Variants in CAST observed in about 807,000 individuals in gnomAD.
CAST encodes the protein calpastatin.
CAST carries 76 observed loss-of-function variants against 119.6 expected under a neutral mutation model. The observed-to-expected ratio is 0.64, with a 90% CI of 0.53 to 0.77. The LOEUF (loss-of-function observed/expected upper bound fraction) is 0.77. Ranked by LOEUF, CAST falls within the 30% of genes least tolerant of loss-of-function variation. The pLI, the probability that CAST is intolerant of heterozygous loss-of-function variation, is 0.00. For synonymous variants in CAST, 319 were observed against 331.6 expected, an observed-to-expected ratio of 0.96 and a Z score of 0.41; for missense variants, 953 against 946.5, an observed-to-expected ratio of 1.01 and a Z score of -0.09.
At chr5:96,687,662 AT>A (rs747705235) in intron 2 of CAST, among the ~76,000 whole-genome samples, 52 of 152,186 alleles carry the variant, frequency 3.4e-4, no homozygotes, top group Admixed American at 1.6e-3. Flanking sequence ...AAGGACCAGA[AT>A]TTTTGGACTT....
rs184474989 is a variant in CAST, at chr5:96,675,418, C to T, written c.76-121C>T. The T allele has an allele frequency of 1.5e-5, 10 of 666,538 alleles. No homozygotes were observed. In the East Asian group the frequency reaches 1.6e-4, roughly 11 times the overall value. 41.3% of individuals were successfully genotyped at this position (666,538 alleles called of 1,614,324 possible). ...TGTTGGTGTGAATTACCAGCATTCTCAGGAGGAAGATTAAAGTGGTCGTTT... is the reference window on the plus strand; with the variant it reads ...TGTTGGTGTGAATTACCAGCATTCTTAGGAGGAAGATTAAAGTGGTCGTTT... On this transcript the variant is annotated intron_variant, in intron 1 of 31. Transcript: ENST00000675179.
the CAST span, among the ~76,000 whole-genome samples, chr5:96,466,372 A>C: frequency 3.0e-4 from 45 of 152,246 alleles, no homozygotes; most frequent in African/African-American, 9.9e-4. Flanking sequence ...AAGTACAATA[A>C]GATTTTGAAA....
the CAST span, among the ~76,000 whole-genome samples, chr5:96,117,362 A>G: frequency 2.6e-5 from 4 of 152,182 alleles, no homozygotes; most frequent in Non-Finnish European, 5.9e-5. Flanking sequence ...GTGATGTACC[A>G]CATAGCTCAT....
the CAST span, among the ~76,000 whole-genome samples, chr5:96,489,989 G>T: frequency 2.6e-5 from 4 of 152,236 alleles, no homozygotes; most frequent in Non-Finnish European, 4.4e-5. Flanking sequence ...GGATAATGCA[G>T]CTGTAGACTG....
chr5:96,580,211 A>G (rs1201061014), intron 1 of CAST, among the ~76,000 whole-genome samples: 1 of 152,154 alleles, frequency 6.6e-6, no homozygotes, highest in African/African-American at 2.4e-5. Context: ...TAAAAATTTT[A>G]TATTAATTTC....
At chr5:96,208,101 TA>T in the CAST span, among the ~76,000 whole-genome samples, 1 of 151,818 alleles carries the variant, frequency 6.6e-6, no homozygotes, top group Admixed American at 6.6e-5. Context: ...TTTGTGTGCA[TA>T]CATGTGTTCA....
At chr5:95,966,304 T>C in the CAST span, among the ~76,000 whole-genome samples, 128 of 152,292 alleles carry the variant, frequency 8.4e-4, no homozygotes, top group African/African-American at 2.8e-3. Context: ...ACCATGTCCA[T>C]ATGATTTTCT....
Position 96,757,655 on chromosome 5 carries a change from G to GT in CAST, c.1833+2dup, listed in dbSNP as rs1561594337. On this transcript the variant is annotated splice_donor_variant, in intron 24 of 31. Transcript: ENST00000675179. LOFTEE classifies it high-confidence loss of function. ...TGGTCCACAAAATGCTTCATCTCTT[G>GT]TAAGTCCAAAACTCTTGGTTTTATT... The GT allele has an allele frequency of 6.4e-7, 1 of 1,567,632 alleles. No homozygotes were observed.
chr5:96,566,164 A>C (rs985407633), intron 1 of CAST, among the ~76,000 whole-genome samples: 2 of 152,196 alleles, frequency 1.3e-5, no homozygotes, highest in African/African-American at 4.8e-5. Flanking sequence ...CAGAGAGAAA[A>C]GGTTCTGACC....
At chr5:96,382,981 T>C in the CAST span, among the ~76,000 whole-genome samples, 4 of 152,196 alleles carry the variant, frequency 2.6e-5, no homozygotes, top group Admixed American at 6.5e-5. Flanking sequence ...TAAGTACTCA[T>C]TGATGTTCAC....
At chr5:96,628,255 A>G (rs892664834) in intron 1 of CAST, among the ~76,000 whole-genome samples, 3 of 152,238 alleles carry the variant, frequency 2.0e-5, no homozygotes, top group Non-Finnish European at 2.9e-5. Context: ...TAACTTTAGC[A>G]GGTCAGACAC....
At chr5:96,035,623 G>T in the CAST span, among the ~76,000 whole-genome samples, 1 of 151,816 alleles carries the variant, frequency 6.6e-6, no homozygotes, top group African/African-American at 2.4e-5. Flanking sequence ...AGTGGAATGG[G>T]GGGAATTGGG....
chr5:96,704,056 A>G (rs1158827212), intron 3 of CAST, among the ~76,000 whole-genome samples: 1 of 152,176 alleles, frequency 6.6e-6, no homozygotes, highest in Non-Finnish European at 1.5e-5. Flanking sequence ...ATCTTGCTGA[A>G]CAAGGAAAGG....
intron 2 of CAST, among the ~76,000 whole-genome samples, chr5:96,691,271 T>C (rs187889551): frequency 1.4e-3 from 210 of 152,322 alleles, no homozygotes; most frequent in African/African-American, 4.7e-3. Flanking sequence ...AGATTTCTTA[T>C]TATATCACAA....
At chr5:96,441,311 T>C in the CAST span, among the ~76,000 whole-genome samples, 7 of 152,184 alleles carry the variant, frequency 4.6e-5, no homozygotes, top group East Asian at 5.8e-4. Context: ...ACTCACTAAT[T>C]TTTAGTGTGT....
chr5:95,971,349 A>G, the CAST span, among the ~76,000 whole-genome samples: 4 of 152,232 alleles, frequency 2.6e-5, no homozygotes, highest in African/African-American at 9.6e-5. Flanking sequence ...AAACAGAAGC[A>G]TGGCATTGGA....
At chr5:96,625,435 G>A (rs1035704295) in intron 1 of CAST, among the ~76,000 whole-genome samples, 9 of 152,268 alleles carry the variant, frequency 5.9e-5, no homozygotes, top group Middle Eastern at 6.8e-3. Context: ...AACTAGCAGC[G>A]AAATTGTATA....
intron 1 of CAST, among the ~76,000 whole-genome samples, chr5:96,592,507 T>C (rs1746980301): frequency 6.6e-6 from 1 of 152,214 alleles, no homozygotes; most frequent in Admixed American, 6.5e-5. Flanking sequence ...TATGGTTCTT[T>C]CTCACTTTTT....
At chr5:95,969,243 T>C in the CAST span, among the ~76,000 whole-genome samples, 2 of 152,118 alleles carry the variant, frequency 1.3e-5, no homozygotes, top group African/African-American at 4.8e-5. Context: ...TGGACTTCGA[T>C]CTGTGAGCAA....
Sources: gnomAD v4.1 joint callset for allele counts (sites outside exome capture counted in the v4.1 genomes callset) on GRCh38, gnomAD v4.1.1 for gene constraint, MANE v1.5 for transcripts, NCBI Gene and HGNC (gene_info 2026-07-23, HGNC 2026-07-21) for gene names.